Variants in NR2C2 observed in about 807,000 individuals in gnomAD.
NR2C2 encodes the protein nuclear receptor subfamily 2 group C member 2, also known as Nuclear hormone receptor TR4.
In NR2C2, 6 loss-of-function variants were observed where a neutral mutation model predicts 62.9. The ratio of observed to expected loss-of-function variants is 0.10; its 90% CI spans 0.05 to 0.19. The LOEUF is 0.19. Among genes scored for constraint, NR2C2 ranks in the 10% least tolerant of loss-of-function variants. The pLI is 1.00. For synonymous variants in NR2C2, 272 were observed against 273.8 expected, an observed-to-expected ratio of 0.99 and a Z score of 0.07; for missense variants, 479 against 762.7, an observed-to-expected ratio of 0.63 and a Z score of 4.38.
chr3:14,972,776 A>G (rs1052739633), intron 1 of NR2C2, among the ~76,000 whole-genome samples: 2 of 152,150 alleles, frequency 1.3e-5, no homozygotes, highest in Non-Finnish European at 2.9e-5. Context: ...AGCTTTACTC[A>G]TGGTGGCAGA....
At chr3:15,032,592 T>C (rs2042007895) in intron 10 of NR2C2, 92 bp downstream of exon 10, 1 of 1,501,536 alleles carries the variant, frequency 6.7e-7, no homozygotes, top group Non-Finnish European at 9.2e-7. Context: ...CTGTCTAGTT[T>C]GACTGTTTCT....
chr3:14,969,533 G>A (rs1247139746), intron 1 of NR2C2, among the ~76,000 whole-genome samples: 1 of 152,122 alleles, frequency 6.6e-6, no homozygotes, highest in African/African-American at 2.4e-5. Context: ...GAGCCACCAT[G>A]CCCGGCCAAT....
intron 8 of NR2C2, among the ~76,000 whole-genome samples, chr3:15,029,423 A>C (rs569695544): frequency 6.6e-6 from 1 of 152,176 alleles, no homozygotes; most frequent in South Asian, 2.1e-4. Context: ...AACATGCCAG[A>C]CCAGCCAGAT....
chr3:15,042,966 G>T lies in NR2C2; in HGVS notation c.1749G>T (p.Glu583Asp). The T allele has an allele frequency of 6.2e-7, 1 of 1,614,222 alleles. No individual in the cohort carries two copies. Among genetic ancestry groups the T allele is most frequent in the Non-Finnish European group, 8.5e-7 (1 of 1,180,048 alleles). The change falls in exon 14 of 14, where the codon GAG becomes GAT. Residue 583 changes from glutamate to aspartate, a missense_variant. Around this residue, in one of 4 missense-constraint regions of NR2C2, gnomAD observed 162 missense variants for 296.8 expected, o/e 0.55. Coordinates refer to ENST00000425241, the MANE Select transcript of NR2C2 (RefSeq NM_001291694.2). Reference sequence around the variant, plus strand: ...TAATCCCCTACATCCTCAAGATGGAGACAGCAGAGTATAATGGCCAGATCA... The same window carrying T: ...TAATCCCCTACATCCTCAAGATGGATACAGCAGAGTATAATGGCCAGATCA... ...DSIIPYILKM[E>D]TAEYNGQITG...
chr3:15,019,749 C>T (rs2041617542), intron 4 of NR2C2, among the ~76,000 whole-genome samples: 1 of 151,736 alleles, frequency 6.6e-6, no homozygotes, highest in Non-Finnish European at 1.5e-5. Context: ...GGCACCAAGA[C>T]TCAGGAGGGG....
At chr3:15,019,016 TAAAAAAAAAAAAAA>T (rs35022020) in intron 4 of NR2C2, among the ~76,000 whole-genome samples, 1 of 76,516 alleles carries the variant, frequency 1.3e-5, no homozygotes, top group South Asian at 4.4e-4. Context: ...ACTCTTGTCT[TAAAAAAAAAAAAAA>T]AAAAAAAAAG....
chr3:14,951,509 G>C (rs1220701859), intron 1 of NR2C2, among the ~76,000 whole-genome samples: 1 of 151,034 alleles, frequency 6.6e-6, no homozygotes, highest in Non-Finnish European at 1.5e-5. Context: ...TTTTTTTTCT[G>C]TCTTGCTCAA....
intron 1 of NR2C2, among the ~76,000 whole-genome samples, chr3:14,999,348 G>A (rs971639438): frequency 5.9e-5 from 9 of 151,860 alleles, no homozygotes; most frequent in South Asian, 2.1e-4. Flanking sequence ...AAATTGGCCC[G>A]GCATGGTAGC....
At chr3:14,958,890 C>T (rs534551066) in intron 1 of NR2C2, among the ~76,000 whole-genome samples, 33 of 152,194 alleles carry the variant, frequency 2.2e-4, no homozygotes, top group Non-Finnish European at 4.3e-4. Flanking sequence ...GCAGGAGAAT[C>T]GCTTGAACCA....
intron 1 of NR2C2, among the ~76,000 whole-genome samples, chr3:14,983,651 G>C (rs1463235782): frequency 2.6e-5 from 4 of 152,080 alleles, no homozygotes. Context: ...TATAAAATGA[G>C]AATTATTTGG....
intron 1 of NR2C2, among the ~76,000 whole-genome samples, chr3:15,002,966 AC>A (rs993486012): frequency 1.0e-4 from 14 of 135,104 alleles, no homozygotes; most frequent in Non-Finnish European, 1.9e-4. Flanking sequence ...CCCACAATAC[AC>A]TTTTTTTTTT....
chr3:15,008,062 T>C (rs1194260668), intron 2 of NR2C2, among the ~76,000 whole-genome samples: 5 of 152,008 alleles, frequency 3.3e-5, no homozygotes, highest in Non-Finnish European at 7.4e-5. Context: ...TCTAAAGAGG[T>C]AGCCAACCCA....
intron 5 of NR2C2, among the ~76,000 whole-genome samples, chr3:15,022,155 G>A (rs548306157): frequency 1.3e-5 from 2 of 152,192 alleles, no homozygotes; most frequent in African/African-American, 4.8e-5. Context: ...ACCTTCATCA[G>A]TTTTGTCTTT....
rs543127570 is a variant in NR2C2 at position 15,025,053 on chromosome 3, TTC to T, written c.798+847_798+848del. On this transcript the variant is annotated intron_variant, in intron 7 of 13. Transcript: ENST00000425241. ...TGGTCCTCAGGCTGGGCCTTGCACCTTCTGTCTTTGGGCAGGGGCCACATGCA... is the reference window on the plus strand; with the variant it reads ...TGGTCCTCAGGCTGGGCCTTGCACCTTGTCTTTGGGCAGGGGCCACATGCA... 8.5e-5 allele frequency among the ~76,000 whole-genome samples: 13 copies of T among 152,362 alleles called. No homozygotes were observed. In the East Asian group the frequency reaches 2.1e-3, roughly 25 times the overall value.
At chr3:14,998,071 T>A (rs1329042230) in intron 1 of NR2C2, among the ~76,000 whole-genome samples, 2 of 152,234 alleles carry the variant, frequency 1.3e-5, no homozygotes, top group East Asian at 3.8e-4. Flanking sequence ...CGTGGCTGAG[T>A]CTTCCATGTT....
chr3:15,028,440 TA>T, intron 7 of NR2C2, 145 bp from the exon 8 acceptor site: 3 of 660,636 alleles, frequency 4.5e-6, no homozygotes, highest in Admixed American at 5.9e-5. Context: ...GTTAAATCAC[TA>T]AAAAGATCTT....
chr3:15,004,877 ATTAACCCCTTTC>A (rs1473252519), intron 2 of NR2C2, among the ~76,000 whole-genome samples: 1 of 152,138 alleles, frequency 6.6e-6, no homozygotes, highest in African/African-American at 2.4e-5. Flanking sequence ...GCGATGGAGA[ATTAACCCCTTTC>A]TTGCTTGCTT....
chr3:14,969,465 A>G (rs1276167879), intron 1 of NR2C2, among the ~76,000 whole-genome samples: 1 of 151,928 alleles, frequency 6.6e-6, no homozygotes, highest in African/African-American at 2.4e-5. Flanking sequence ...CTGGTCTCGA[A>G]CTCCTGACCT....
chr3:14,976,404 C>T (rs756936419), intron 1 of NR2C2, among the ~76,000 whole-genome samples: 1 of 152,070 alleles, frequency 6.6e-6, no homozygotes, highest in Non-Finnish European at 1.5e-5. Context: ...TTGTAAAACT[C>T]TCCAGATACT....
Sources: gnomAD v4.1 joint callset for allele counts (sites outside exome capture counted in the v4.1 genomes callset) on GRCh38, gnomAD v4.1.1 for gene constraint, gnomAD v4.1.1 regional missense constraint, MANE v1.5 for transcripts, NCBI Gene and HGNC (gene_info 2026-07-23, HGNC 2026-07-21) for gene names.